The following DMD variants were observed in gnomAD, a reference collection of about 807,000 sequenced individuals.
DMD encodes dystrophin.
Under a neutral mutation model 330.1 loss-of-function variants are expected in DMD, and 63 were observed. The observed-to-expected ratio is 0.19, with a 90% CI of 0.16 to 0.24. The LOEUF is 0.24. Among genes scored for constraint, DMD ranks in the 10% least tolerant of loss-of-function variants. The probability of loss-of-function intolerance (pLI) is 1.00; values close to 1 mark genes in which losing one functional copy is unlikely to be tolerated. For missense variants in DMD, 3,344 were observed against 2,684.1 expected, an observed-to-expected ratio of 1.25 and a Z score of -5.43; for synonymous variants, 1,223 against 959.8, an observed-to-expected ratio of 1.27 and a Z score of -5.07.
intron 44 of DMD, among the ~76,000 whole-genome samples, chrX:32,127,828 C>T (rs1451249823): frequency 1.8e-5 from 2 of 112,237 alleles, no homozygotes; most frequent in African/African-American, 6.5e-5. Flanking sequence ...ATTTTTCTTT[C>T]TCTTTAATAT....
chrX:31,343,109 T>A (rs770837603), intron 61 of DMD, among the ~76,000 whole-genome samples: 5 of 111,849 alleles, frequency 4.5e-5, no homozygotes, highest in African/African-American at 1.6e-4. Context: ...AAAAGGACAA[T>A]TTTCAGACTA....
chrX:32,332,301 C>T (rs1471124415), intron 41 of DMD, among the ~76,000 whole-genome samples: 1 of 109,771 alleles, frequency 9.1e-6, no homozygotes, highest in Non-Finnish European at 1.9e-5. Context: ...GGTTGGAGCT[C>T]TACTTCTAGG....
At chrX:33,033,761 G>C (rs1049451468) in intron 1 of DMD, among the ~76,000 whole-genome samples, 4 of 110,645 alleles carry the variant, frequency 3.6e-5, no homozygotes, top group African/African-American at 1.3e-4. Context: ...TTGCACTTAG[G>C]TATCACTGAG....
intron 1 of DMD, among the ~76,000 whole-genome samples, chrX:33,146,875 T>C (rs1170642498): frequency 9.0e-6 from 1 of 110,858 alleles, no homozygotes; most frequent in Non-Finnish European, 1.9e-5. Context: ...CAGGCTGCAG[T>C]GCAGTGGCTC....
intron 64 of DMD, among the ~76,000 whole-genome samples, chrX:31,212,695 A>G (rs1249350609): frequency 9.0e-6 from 1 of 111,554 alleles, no homozygotes; most frequent in African/African-American, 3.3e-5. Flanking sequence ...TTTGCAGTTG[A>G]GACAACTGAG....
intron 43 of DMD, among the ~76,000 whole-genome samples, chrX:32,255,633 T>C (rs1356140724): frequency 8.9e-6 from 1 of 111,823 alleles, no homozygotes; most frequent in Admixed American, 9.6e-5. Context: ...TGTTGGGAAA[T>C]AGAAACAGGA....
intron 15 of DMD, among the ~76,000 whole-genome samples, chrX:32,571,714 T>C (rs1168285548): frequency 8.9e-6 from 1 of 111,808 alleles, no homozygotes; most frequent in Non-Finnish European, 1.9e-5. Flanking sequence ...GAAATAATTA[T>C]CATTTTTGTC....
chrX:32,961,086 C>T (rs776041951), intron 2 of DMD, among the ~76,000 whole-genome samples: 2 of 111,338 alleles, frequency 1.8e-5, no homozygotes, highest in African/African-American at 3.3e-5. Context: ...TATTGCCTCC[C>T]ATTCTGAGAA....
chrX:32,462,886 G>C (rs1039566236), intron 25 of DMD, among the ~76,000 whole-genome samples: 1 of 111,093 alleles, frequency 9.0e-6, no homozygotes, highest in African/African-American at 3.3e-5. Flanking sequence ...CTTGAGCCCA[G>C]GAGGTTGAGG....
chrX:31,321,752 C>A (rs759912064), intron 62 of DMD, among the ~76,000 whole-genome samples: 3 of 110,502 alleles, frequency 2.7e-5, no homozygotes, highest in Admixed American at 9.6e-5. Flanking sequence ...AATACCATCA[C>A]CATGGTCTTT....
chrX:31,964,121 C>T (rs916769227), intron 45 of DMD, among the ~76,000 whole-genome samples: 1 of 111,503 alleles, frequency 9.0e-6, no homozygotes, highest in Non-Finnish European at 1.9e-5. Context: ...TGACATGCAT[C>T]TCTTGAAGTC....
chrX:32,886,962 A>C (rs1358285638), intron 2 of DMD, among the ~76,000 whole-genome samples: 3 of 111,905 alleles, frequency 2.7e-5, no homozygotes, highest in Non-Finnish European at 5.6e-5. Flanking sequence ...GAACCCAATG[A>C]AATATGCCAA....
intron 18 of DMD, among the ~76,000 whole-genome samples, chrX:32,510,609 T>A (rs2045190155): frequency 1.8e-5 from 2 of 111,643 alleles, no homozygotes; most frequent in Admixed American, 1.9e-4. Context: ...AGGCGAGCTC[T>A]ATTTTAGCGT....
At chrX:32,373,085 T>A (rs2097886016) in intron 34 of DMD, among the ~76,000 whole-genome samples, 1 of 110,311 alleles carries the variant, frequency 9.1e-6, no homozygotes, top group Admixed American at 9.8e-5. Context: ...CTTGAGTTCG[T>A]AATTCTCTTC....
chrX:31,459,252 A>G (rs1043390243), intron 59 of DMD, among the ~76,000 whole-genome samples: 4 of 111,841 alleles, frequency 3.6e-5, no homozygotes, highest in Admixed American at 1.9e-4. Flanking sequence ...ATTTAATAAG[A>G]CCTAATAGGC....
At chrX:32,631,682 G>A (rs1347750427) in intron 11 of DMD, among the ~76,000 whole-genome samples, 2 of 110,978 alleles carry the variant, frequency 1.8e-5, no homozygotes, top group Non-Finnish European at 3.8e-5. Context: ...GGCCAGGGAA[G>A]AGGTGAGTGG....
intron 11 of DMD, among the ~76,000 whole-genome samples, chrX:32,621,026 G>A (rs2057948095): frequency 1.8e-5 from 2 of 111,314 alleles, no homozygotes; most frequent in Admixed American, 9.6e-5. Flanking sequence ...CTATCTTGGA[G>A]TTTATATGGA....
At chrX:32,374,957 A>G (rs2097895740) in intron 34 of DMD, among the ~76,000 whole-genome samples, 1 of 111,911 alleles carries the variant, frequency 8.9e-6, no homozygotes, top group Non-Finnish European at 1.9e-5. Flanking sequence ...AAAGGGAAAT[A>G]AGATCATTTT....
chrX:31,763,003 A>AAAACT lies in DMD; in HGVS notation c.7542+10952_7542+10956dup, dbSNP rs779183249. Among the ~76,000 whole-genome samples, 1,124 of 112,735 alleles carry AAAACT rather than the reference A, an allele frequency of 1.0e-2. 10 individuals carry two copies. Among genetic ancestry groups the AAAACT allele is most frequent in the African/African-American group, 0.035 (1,082 of 31,042 alleles). ...TGTTGTCATATTCCAAATACTAAGTAAAACTAGTAATCTGTGAAGATAAAG... is the reference window on the plus strand; with the variant it reads ...TGTTGTCATATTCCAAATACTAAGTAAAACTAAACTAGTAATCTGTGAAGATAAAG... On this transcript the variant is annotated intron_variant, in intron 51 of 78. Coordinates refer to ENST00000357033, the MANE Select transcript of DMD (RefSeq NM_004006.3).
Sources: gnomAD v4.1 joint callset for allele counts (sites outside exome capture counted in the v4.1 genomes callset) on GRCh38, gnomAD v4.1.1 for gene constraint, MANE v1.5 for transcripts, NCBI Gene and HGNC (gene_info 2026-07-23, HGNC 2026-07-21) for gene names.